CATSPER3: variants seen among roughly 807,000 people sequenced by gnomAD.
The protein encoded by CATSPER3 is cation channel sperm associated 3, also known as cation channel sperm-associated protein 3.
A neutral mutation model predicts 36.6 loss-of-function variants in CATSPER3; 23 were observed. The observed-to-expected ratio is 0.63, with a 90% CI of 0.45 to 0.89. CATSPER3 has a LOEUF of 0.89. Ranked by LOEUF, CATSPER3 falls within the 40% of genes least tolerant of loss-of-function variation. The probability of loss-of-function intolerance (pLI) is 0.00; values close to 1 mark genes in which losing one functional copy is unlikely to be tolerated. For missense variants in CATSPER3, 474 were observed against 503.9 expected (o/e 0.94, Z 0.57); for synonymous variants, 172 against 184.1 (o/e 0.93, Z 0.53).
At chr5:134,985,939 T>C (rs1287963525) in intron 2 of CATSPER3, among the ~76,000 whole-genome samples, 2 of 151,286 alleles carry the variant, frequency 1.3e-5, no homozygotes, top group Non-Finnish European at 2.9e-5. Flanking sequence ...CAAAAAACAA[T>C]TGAAATTTTA....
chr5:134,971,871 A>G (rs534230313), intron 2 of CATSPER3, among the ~76,000 whole-genome samples: 1 of 152,358 alleles, frequency 6.6e-6, no homozygotes, highest in African/African-American at 2.4e-5. Flanking sequence ...TCAAAAATCA[A>G]GCTACTGCGT....
At chr5:134,992,777 TAG>T (rs1425301515) in intron 2 of CATSPER3, among the ~76,000 whole-genome samples, 1 of 152,120 alleles carries the variant, frequency 6.6e-6, no homozygotes, top group East Asian at 1.9e-4. Context: ...GGTGAAGATG[TAG>T]AGAAATTAGA....
At chr5:134,973,065 G>A (rs1332766204) in intron 2 of CATSPER3, among the ~76,000 whole-genome samples, 2 of 152,132 alleles carry the variant, frequency 1.3e-5, no homozygotes, top group Admixed American at 1.3e-4. Context: ...AAAGGACATA[G>A]ACAAATTCAT....
At chr5:134,988,414 A>G (rs1004095273) in intron 2 of CATSPER3, among the ~76,000 whole-genome samples, 5 of 152,248 alleles carry the variant, frequency 3.3e-5, no homozygotes, top group Non-Finnish European at 5.9e-5. Flanking sequence ...GTTTGTTGAA[A>G]TATTACCCAC....
rs1298221372 is a variant in CATSPER3, at chr5:134,996,479, C to A, written c.459C>A (p.Ile153=). 1 of 1,614,220 alleles carries A rather than the reference C, an allele frequency of 6.2e-7. No homozygotes were observed. Among genetic ancestry groups the A allele is most frequent in the Admixed American group, 1.7e-5 (1 of 60,034 alleles). ...YIADGMQSLR[I]LKLIGYSQGI... Reference sequence around the variant, plus strand: ...CTGATGGCATGCAGTCCCTGCGCATCCTCAAGCTTATCGGCTATAGCCAGG... The same window carrying A: ...CTGATGGCATGCAGTCCCTGCGCATACTCAAGCTTATCGGCTATAGCCAGG... Residue 153 remains isoleucine, a synonymous_variant, in exon 3 of 8, where the codon ATC becomes ATA. Transcript: ENST00000282611.
chr5:134,979,440 A>C (rs369210767), intron 2 of CATSPER3, among the ~76,000 whole-genome samples: 3 of 152,300 alleles, frequency 2.0e-5, no homozygotes, highest in South Asian at 2.1e-4. Flanking sequence ...CCTTGTTCTT[A>C]AAGAATTGTA....
intron 3 of CATSPER3, 134 bp from the exon 4 acceptor site, chr5:135,007,823 T>C: frequency 5.5e-6 from 1 of 180,690 alleles, no homozygotes; most frequent in Non-Finnish European, 1.1e-5. Context: ...CCCACCCTTA[T>C]TGAGCATCTA....
chr5:135,000,018 G>A (rs568488875), intron 3 of CATSPER3, among the ~76,000 whole-genome samples: 10 of 152,122 alleles, frequency 6.6e-5, no homozygotes, highest in South Asian at 2.1e-4. Flanking sequence ...CAGTTTTTGC[G>A]CATTCAGTAT....
At chr5:134,972,606 A>G (rs1751620557) in intron 2 of CATSPER3, among the ~76,000 whole-genome samples, 1 of 152,200 alleles carries the variant, frequency 6.6e-6, no homozygotes, top group Admixed American at 6.5e-5. Context: ...GAAGACATGA[A>G]AAGGTTTCAA....
At chr5:134,996,165 A>G in intron 2 of CATSPER3, 108 bp from the exon 3 acceptor site, 11 of 1,387,072 alleles carry the variant, frequency 7.9e-6, no homozygotes, top group Non-Finnish European at 1.1e-5. Flanking sequence ...TTTCTCTCTC[A>G]TGTGGGTGAC....
At chr5:134,994,123 T>G (rs1454259162) in intron 2 of CATSPER3, among the ~76,000 whole-genome samples, 2 of 152,062 alleles carry the variant, frequency 1.3e-5, no homozygotes, top group Admixed American at 6.6e-5. Flanking sequence ...AGACTCTGTC[T>G]CAAAAAAAAC....
At chr5:135,004,014 A>C (rs7723848) in intron 3 of CATSPER3, among the ~76,000 whole-genome samples, 16,509 of 152,200 alleles carry the variant, frequency 0.11, 2,900 homozygotes, top group African/African-American at 0.37. Context: ...CTCAGTTGGA[A>C]ATGCAGAAAT....
chr5:134,986,301 C>CA (rs1751807420), intron 2 of CATSPER3, among the ~76,000 whole-genome samples: 1 of 151,750 alleles, frequency 6.6e-6, no homozygotes, highest in Non-Finnish European at 1.5e-5. Flanking sequence ...TGTGCCACCA[C>CA]ACCCAGCTAA....
At chr5:134,985,504 G>T (rs1223610309) in intron 2 of CATSPER3, among the ~76,000 whole-genome samples, 1 of 152,134 alleles carries the variant, frequency 6.6e-6, no homozygotes, top group Non-Finnish European at 1.5e-5. Flanking sequence ...ACCTACATGG[G>T]TGATGGGTGC....
chr5:134,982,313 T>C (rs1751760281), intron 2 of CATSPER3, among the ~76,000 whole-genome samples: 2 of 152,118 alleles, frequency 1.3e-5, no homozygotes, highest in Admixed American at 1.3e-4. Flanking sequence ...AATTCCCAAA[T>C]TTGATGAGAG....
At chr5:134,977,897 TGA>T (rs1204319007) in intron 2 of CATSPER3, among the ~76,000 whole-genome samples, 1 of 151,898 alleles carries the variant, frequency 6.6e-6, no homozygotes, top group African/African-American at 2.4e-5. Flanking sequence ...TGTCACATGG[TGA>T]GAGAGAGAGC....
chr5:135,007,819 C>T (rs1362830509), intron 3 of CATSPER3, 138 bp from the exon 4 acceptor site: 1 of 399,098 alleles, frequency 2.5e-6, no homozygotes, highest in African/African-American at 2.1e-5. Context: ...CCCACCCACC[C>T]TTATTGAGCA....
chr5:134,981,014 T>C (rs904138719), intron 2 of CATSPER3, among the ~76,000 whole-genome samples: 2 of 152,194 alleles, frequency 1.3e-5, no homozygotes. Context: ...TTACAATGCC[T>C]GGCCTTTCTC....
At chr5:135,003,323 C>T (rs1367210140) in intron 3 of CATSPER3, among the ~76,000 whole-genome samples, 1 of 152,214 alleles carries the variant, frequency 6.6e-6, no homozygotes, top group Non-Finnish European at 1.5e-5. Context: ...AGCTTCATCT[C>T]AGAGGGGCAC....
Sources: allele counts gnomAD v4.1 joint callset (sites outside exome capture counted in the v4.1 genomes callset), GRCh38; gene constraint gnomAD v4.1.1; transcripts MANE v1.5; gene names NCBI Gene and HGNC (gene_info 2026-07-23, HGNC 2026-07-21).